Variants in METTL9 observed in about 807,000 individuals in gnomAD.
METTL9 encodes the protein methyltransferase 9, His-X-His N1(pi)-histidine.
A neutral mutation model predicts 36.0 loss-of-function variants in METTL9; 10 were observed. The ratio of observed to expected loss-of-function variants is 0.28; its 90% confidence interval spans 0.17 to 0.47. METTL9 has a LOEUF of 0.47. Among genes scored for constraint, METTL9 ranks in the 20% least tolerant of loss-of-function variants. METTL9 has a pLI of 0.99. For synonymous variants in METTL9, 175 were observed against 149.7 expected (o/e 1.17, Z -1.23); for missense variants, 246 against 383.5 (o/e 0.64, Z 3.00).
At chr16:21,619,587 A>ATTTTTTTTTTTT (rs35728063) in intron 3 of METTL9, among the ~76,000 whole-genome samples, 74 of 124,188 alleles carry the variant, frequency 6.0e-4, no homozygotes, top group Middle Eastern at 4.5e-3. Flanking sequence ...TGCCCGGCTA[A>ATTTTTTTTTTTT]TTTTTTTTTT....
chr16:21,644,623 C>T (rs553192682), intron 4 of METTL9, among the ~76,000 whole-genome samples: 4 of 152,252 alleles, frequency 2.6e-5, no homozygotes, highest in East Asian at 3.9e-4. Context: ...CGTTTTTAAA[C>T]ATTAAAAAAA....
At chr16:21,644,997 C>T (rs1026486682) in intron 4 of METTL9, among the ~76,000 whole-genome samples, 3 of 152,188 alleles carry the variant, frequency 2.0e-5, no homozygotes, top group African/African-American at 7.2e-5. Context: ...TTATTGAATC[C>T]ATTTTCACAT....
At chr16:21,643,704 A>T in intron 4 of METTL9, 2 of 699,178 alleles carry the variant, frequency 2.9e-6, no homozygotes, top group South Asian at 3.8e-5. Context: ...TATTTAAGTG[A>T]TATACAATGA....
In METTL9 at chr16:21,627,125, C is replaced by T. The variant is rs528397928; in HGVS notation, c.751+2010C>T. On this transcript the variant is annotated intron_variant, in intron 4 of 4. Transcript: ENST00000358154. Reference sequence around the variant, plus strand: ...TAGTGACCTATAAATTTTGCAGGCGCGCCACGGCACTCTATTATTGCTTTC... The same window carrying T: ...TAGTGACCTATAAATTTTGCAGGCGTGCCACGGCACTCTATTATTGCTTTC... 140 of 985,278 alleles carry T rather than the reference C, an allele frequency of 1.4e-4. 1 individual carries two copies. In the Middle Eastern group the frequency reaches 4.7e-3, roughly 33 times the overall value. The allele number at this position is 985,278 out of a possible 1,614,324, so 61.0% of individuals were successfully genotyped here. A position where few individuals can be genotyped will look rare whatever the true frequency, so the allele number is the denominator to read the frequency against.
At chr16:21,652,806 T>C (rs1011735133) in intron 4 of METTL9, 9 of 468,970 alleles carry the variant, frequency 1.9e-5, no homozygotes, top group African/African-American at 1.0e-4. Context: ...CTTTTTTTTT[T>C]CCATGGATTT....
intron 4 of METTL9, chr16:21,643,604 A>G: frequency 6.3e-7 from 1 of 1,598,288 alleles, no homozygotes; most frequent in Non-Finnish European, 8.6e-7. Flanking sequence ...TTTGACTGCC[A>G]AGAAGAGAAG....
chr16:21,619,912 C>T (rs77304762), intron 3 of METTL9, among the ~76,000 whole-genome samples: 1,593 of 152,244 alleles, frequency 0.01, 37 homozygotes, highest in African/African-American at 0.037. Flanking sequence ...ACTTTCCTAT[C>T]CACATGTTTC....
rs559922651 is a variant in METTL9 at position 21,607,915 on chromosome 16, G to C, written c.166-4730G>C. The stretch of plus-strand genomic sequence containing the variant: ...TGTAATCCTAGCACTTTGCGAGGCC[G>C]AGGCAGGCAGATCACCTGAGGTCAG... On this transcript the variant is annotated intron_variant, in intron 1 of 4. Coordinates refer to ENST00000358154, the MANE Select transcript of METTL9 (RefSeq NM_016025.5). 3.3e-5 allele frequency among the ~76,000 whole-genome samples: 5 copies of C among 152,148 alleles called. No individual in the cohort carries two copies. The South Asian group carries it at 1.0e-3, about 32-fold the overall frequency.
At chr16:21,643,533 A>C (rs1435283884) in intron 4 of METTL9, 2 of 1,521,842 alleles carry the variant, frequency 1.3e-6, no homozygotes, top group African/African-American at 1.4e-5. Context: ...ATATTTTTCA[A>C]GTGTTGGTCT....
chr16:21,635,905 G>A (rs772100928), intron 4 of METTL9, among the ~76,000 whole-genome samples: 7 of 152,188 alleles, frequency 4.6e-5, no homozygotes, highest in Non-Finnish European at 1.0e-4. Context: ...CCACAAGGAG[G>A]ACTGAGGAAG....
chr16:21,637,874 G>A (rs989596201), intron 4 of METTL9, among the ~76,000 whole-genome samples: 2 of 152,272 alleles, frequency 1.3e-5, no homozygotes, highest in Non-Finnish European at 2.9e-5. Flanking sequence ...CCGAGGAGGC[G>A]CTGAGAGCGA....
At chr16:21,652,484 A>G in intron 4 of METTL9, 1 of 1,418,390 alleles carries the variant, frequency 7.1e-7, no homozygotes, top group Non-Finnish European at 9.9e-7. Flanking sequence ...GGTGAAAAAT[A>G]GCAGTTGATT....
chr16:21,647,577 C>G, intron 4 of METTL9: 3 of 1,483,420 alleles, frequency 2.0e-6, no homozygotes, highest in Non-Finnish European at 1.8e-6. Context: ...GGAAACCCAG[C>G]CATTCTGTTA....
At position 21,624,994 on chromosome 16, in the gene METTL9, C is replaced by T. The variant is rs1401540172; in HGVS notation, c.630C>T (p.Asn210=). The T allele has an allele frequency of 1.2e-6, 2 of 1,614,164 alleles. No individual in the cohort carries two copies. The highest frequency in any genetic ancestry group is 2.2e-5 in the East Asian group (1 of 44,888). Reference sequence around the variant, plus strand: ...AGTATGATGTCATCAGCTGCCTGAACTTGCTGGACCGCTGTGATCAGCCCC... The same window carrying T: ...AGTATGATGTCATCAGCTGCCTGAATTTGCTGGACCGCTGTGATCAGCCCC... ...GFQYDVISCL[N]LLDRCDQPLT... Residue 210 remains asparagine, a synonymous_variant, in exon 4 of 5, where the codon AAC becomes AAT. Coordinates refer to ENST00000358154, the MANE Select transcript of METTL9 (RefSeq NM_016025.5).
chr16:21,605,898 C>T (rs2152892753), intron 1 of METTL9, among the ~76,000 whole-genome samples: 1 of 152,224 alleles, frequency 6.6e-6, no homozygotes, highest in South Asian at 2.1e-4. Flanking sequence ...ACAAGACTGC[C>T]CTCACTTCAG....
intron 1 of METTL9, among the ~76,000 whole-genome samples, chr16:21,611,870 A>C (rs1269386624): frequency 1.3e-5 from 2 of 152,174 alleles, no homozygotes; most frequent in Non-Finnish European, 2.9e-5. Flanking sequence ...TTTCATCTAC[A>C]GGTGAAGCTT....
At chr16:21,599,497 A>G (rs959754755), upstream of METTL9, 51 of 1,212,882 alleles carry the variant, frequency 4.2e-5, no homozygotes, top group Admixed American at 9.2e-5. This position sits in a 1 kb window ranked among gnomAD's most constrained non-coding sequence, Gnocchi z 4.4. Flanking sequence ...AGTGCTCCGG[A>G]TGGAAACTGG....
intron 2 of METTL9, 66 bp from the exon 3 acceptor site, chr16:21,617,799 G>A: frequency 7.6e-7 from 1 of 1,308,820 alleles, no homozygotes; most frequent in Non-Finnish European, 1.1e-6. Flanking sequence ...TATTCACTTT[G>A]TGTGTGTATG....
At chr16:21,629,691 CAAAGAACG>C (rs1367465519) in intron 4 of METTL9, among the ~76,000 whole-genome samples, 1 of 152,152 alleles carries the variant, frequency 6.6e-6, no homozygotes, top group Admixed American at 6.5e-5. Context: ...AGATTTATTG[CAAAGAACG>C]AAAGAACAAA....
Sources: gnomAD v4.1 joint callset for allele counts (sites outside exome capture counted in the v4.1 genomes callset) on GRCh38, gnomAD v4.1.1 for gene constraint, Gnocchi (gnomAD v3.1) non-coding constraint, MANE v1.5 for transcripts, NCBI Gene and HGNC (gene_info 2026-07-23, HGNC 2026-07-21) for gene names.